The following LUC7L3 variants were observed in gnomAD, a reference collection of about 807,000 sequenced individuals.
LUC7L3 encodes luc7-like protein 3.
Under a neutral mutation model 66.8 loss-of-function variants are expected in LUC7L3, and 6 were observed. The ratio of observed to expected loss-of-function variants is 0.09; its 90% CI spans 0.05 to 0.18. The LOEUF (loss-of-function observed/expected upper bound fraction) is 0.18. LUC7L3 is among the 10% of genes least tolerant of loss of function. LUC7L3 has a pLI of 1.00. For synonymous variants in LUC7L3, 160 were observed against 174.7 expected, an observed-to-expected ratio of 0.92 and a Z score of 0.66; for missense variants, 341 against 531.1, an observed-to-expected ratio of 0.64 and a Z score of 3.52.
intron 1 of LUC7L3, among the ~76,000 whole-genome samples, chr17:50,727,976 G>T (rs950666448): frequency 2.0e-5 from 3 of 151,858 alleles, no homozygotes; most frequent in Non-Finnish European, 4.4e-5. Context: ...AGCTGGGCGT[G>T]GTGTGGTGGC....
At chr17:50,734,478 T>C (rs999062708) in intron 1 of LUC7L3, among the ~76,000 whole-genome samples, 6 of 152,130 alleles carry the variant, frequency 3.9e-5, no homozygotes, top group Non-Finnish European at 8.8e-5. Context: ...TTAAAACTTT[T>C]ATTATGTTCT....
At chr17:50,724,776 C>T (rs1426749219) in intron 1 of LUC7L3, among the ~76,000 whole-genome samples, 2 of 131,412 alleles carry the variant, frequency 1.5e-5, no homozygotes, top group Non-Finnish European at 3.1e-5. Flanking sequence ...TTTTTTTTAC[C>T]CCCGAGATGG....
chr17:50,747,561 T>C (rs12452333), intron 9 of LUC7L3, among the ~76,000 whole-genome samples: 45,385 of 151,972 alleles, frequency 0.3, 6,835 homozygotes, highest in Middle Eastern at 0.34. Flanking sequence ...CCTGTCTCCA[T>C]GTTTAATCAC....
At chr17:50,743,481 C>T (rs992013511) in intron 5 of LUC7L3, among the ~76,000 whole-genome samples, 24 of 152,126 alleles carry the variant, frequency 1.6e-4, no homozygotes, top group African/African-American at 5.1e-4. Context: ...GCTTGGATTA[C>T]AGGCATGAGC....
At chr17:50,748,039 A>G (rs1970784663) in intron 9 of LUC7L3, among the ~76,000 whole-genome samples, 1 of 152,230 alleles carries the variant, frequency 6.6e-6, no homozygotes, top group Non-Finnish European at 1.5e-5. Context: ...CAAATTAATA[A>G]TATTTGTTTT....
chr17:50,721,093 CT>C (rs530504317), intron 1 of LUC7L3, among the ~76,000 whole-genome samples: 589 of 145,394 alleles, frequency 4.1e-3, no homozygotes, highest in Middle Eastern at 0.011. Flanking sequence ...AGCGAAGTAA[CT>C]TTTTTTTTTT....
At chr17:50,730,122 C>T (rs1041270325) in intron 1 of LUC7L3, among the ~76,000 whole-genome samples, 4 of 151,158 alleles carry the variant, frequency 2.6e-5, no homozygotes, top group Admixed American at 6.6e-5. Flanking sequence ...ACTATAGGCC[C>T]GCACCACCCC....
In LUC7L3 at chr17:50,719,639, C is replaced by T. The variant is rs529794597; in HGVS notation, c.-94C>T. On this transcript the variant is annotated 5_prime_UTR_variant, in exon 1 of 10. Transcript: ENST00000505658. Reference sequence around the variant, plus strand: ...TCCTGTGTGTAGGAGGGATTTCGGCCTGAGAGCGGGCCGAGGAGATTGGCG... The same window carrying T: ...TCCTGTGTGTAGGAGGGATTTCGGCTTGAGAGCGGGCCGAGGAGATTGGCG... 168 of 1,079,604 alleles carry T rather than the reference C, an allele frequency of 1.6e-4. No individual in the cohort carries two copies. The East Asian group carries it at 4.2e-3, about 27-fold the overall frequency. The allele number at this position is 1,079,604 out of a possible 1,614,324, so 66.9% of individuals were successfully genotyped here. A position where few individuals can be genotyped will look rare whatever the true frequency, so the allele number is the denominator to read the frequency against.
In LUC7L3 at chr17:50,721,719, A is replaced by G. The variant is rs939115289; in HGVS notation, c.99+1888A>G. ...GATATCGTTTCCGGGTCATCTGCAT[A>G]TTCTTGTACTGTTGGCTGTTAGTGC... On this transcript the variant is annotated intron_variant, in intron 1 of 9. Transcript: ENST00000505658. Among the ~76,000 whole-genome samples, 93 of 152,188 alleles carry G rather than the reference A, an allele frequency of 6.1e-4. 1 individual carries two copies. The highest frequency in any genetic ancestry group is 6.0e-3 in the Admixed American group (92 of 15,268).
Position 50,750,570 on chromosome 17 carries a change from C to T in LUC7L3, c.1208C>T (p.Thr403Ile). ...AGTCGAGAAAAGCAGAGTGAAGACACAAACACTGAATCGAAGGAAAGTGAT... is the reference window on the plus strand; with the variant it reads ...AGTCGAGAAAAGCAGAGTGAAGACATAAACACTGAATCGAAGGAAAGTGAT... ...SGSREKQSED[T>I]NTESKESDTK... The change falls in exon 10 of 10, where the codon ACA becomes ATA. Residue 403 changes from threonine (T) to isoleucine (I), a missense_variant. By Grantham distance (89) the Thr-to-Ile change is moderately conservative (BLOSUM62 -1). Transcript: ENST00000505658. 1 of 1,613,980 alleles carries T rather than the reference C, an allele frequency of 6.2e-7. No homozygotes were observed.
At chr17:50,749,128 AAG>A (rs769706123) in intron 9 of LUC7L3, 582 of 1,010,090 alleles carry the variant, frequency 5.8e-4, no homozygotes, top group Non-Finnish European at 6.0e-4. Flanking sequence ...TCTCTTTGTC[AAG>A]AGAGTTTCCT....
chr17:50,738,029 G>A, intron 2 of LUC7L3: 1 of 389,478 alleles, frequency 2.6e-6, no homozygotes, highest in South Asian at 2.0e-5. Flanking sequence ...AGGGGCAGTA[G>A]TAAGTTAAAA....
chr17:50,754,254 A>C lies in LUC7L3; in HGVS notation c.*3593A>C, dbSNP rs1417231760. 3.3e-5 allele frequency: 5 copies of C among 151,856 alleles called. No individual in the cohort carries two copies. The East Asian group carries it at 9.6e-4, about 29-fold the overall frequency. 9.4% of individuals were successfully genotyped at this position (151,856 alleles called of 1,614,324 possible). ...TTGGTCTTAAAAAAAAAAAAACTTT[A>C]TTTTGGAAATTTAAAGACATACACA... On this transcript the variant is annotated 3_prime_UTR_variant, in exon 10 of 10. Coordinates refer to ENST00000505658, the MANE Select transcript of LUC7L3 (RefSeq NM_016424.5).
In LUC7L3 at chr17:50,751,368, C is replaced by G. The variant is rs1365102076; in HGVS notation, c.*707C>G. 7.7e-7 allele frequency: 1 copy of G among 1,293,296 alleles called. No individual in the cohort carries two copies. Among genetic ancestry groups the G allele is most frequent in the African/African-American group, 1.5e-5 (1 of 66,016 alleles). 80.1% of individuals were successfully genotyped at this position (1,293,296 alleles called of 1,614,324 possible). A position where few individuals can be genotyped will look rare whatever the true frequency, so the allele number is the denominator to read the frequency against. ...GATTCAGTCAAACTAAGCAGGTACT[C>G]ATGCCAGGTACTCCTTTCTCTACCC... On this transcript the variant is annotated 3_prime_UTR_variant, in exon 10 of 10. Transcript: ENST00000505658.
Position 50,751,805 on chromosome 17 carries a change from ATGCACT to A in LUC7L3, c.*1145_*1150del. The stretch of plus-strand genomic sequence containing the variant: ...TTCAATTTGTGAAATCAAAGAACTG[ATGCACT>A]ATATAGAACGAATTTGGGTTTTTAA... On this transcript the variant is annotated 3_prime_UTR_variant, in exon 10 of 10. Coordinates refer to ENST00000505658, the MANE Select transcript of LUC7L3 (RefSeq NM_016424.5). 9.8e-7 allele frequency: 1 copy of A among 1,017,964 alleles called. No homozygotes were observed. Among genetic ancestry groups the A allele is most frequent in the Non-Finnish European group, 1.2e-6 (1 of 849,052 alleles). The allele number at this position is 1,017,964 out of a possible 1,614,324, so 63.1% of individuals were successfully genotyped here. A position where few individuals can be genotyped will look rare whatever the true frequency, so the allele number is the denominator to read the frequency against.
In LUC7L3 at chr17:50,751,005, T is replaced by TA; in HGVS notation, c.*346dup. ...TTTGATGTCATTTCTTTTTTTTTTT[T>TA]AATAAAAAGGTTGAACTGTTTTTTT... On this transcript the variant is annotated 3_prime_UTR_variant, in exon 10 of 10. Transcript: ENST00000505658. 2 of 1,443,912 alleles carry TA rather than the reference T, an allele frequency of 1.4e-6. No individual in the cohort carries two copies. Among genetic ancestry groups the TA allele is most frequent in the Non-Finnish European group, 1.8e-6 (2 of 1,105,124 alleles). The allele number at this position is 1,443,912 out of a possible 1,614,324, so 89.4% of individuals were successfully genotyped here.
chr17:50,730,512 CCAAAA>C (rs1969519627), intron 1 of LUC7L3, among the ~76,000 whole-genome samples: 1 of 16,710 alleles, frequency 6.0e-5, no homozygotes, highest in East Asian at 1.3e-3. Flanking sequence ...GACTCTGTCT[CCAAAA>C]AAAAAAAAAA....
chr17:50,724,611 T>TTGTGTGTGTGTGTGTGTG (rs58361696), intron 1 of LUC7L3, among the ~76,000 whole-genome samples: 64 of 147,268 alleles, frequency 4.3e-4, no homozygotes, highest in East Asian at 4.2e-3. Flanking sequence ...TTTAGGAAAA[T>TTGTGTGTGTGTGTGTGTG]TGTGTGTGTG....
intron 1 of LUC7L3, among the ~76,000 whole-genome samples, chr17:50,730,769 C>A (rs551352269): frequency 9.1e-4 from 138 of 151,640 alleles, no homozygotes; most frequent in African/African-American, 3.1e-3. Context: ...GGCTTAACCC[C>A]CATCTACTAA....
Sources: gnomAD v4.1 joint callset for allele counts (sites outside exome capture counted in the v4.1 genomes callset) on GRCh38, gnomAD v4.1.1 for gene constraint, MANE v1.5 for transcripts, NCBI Gene and HGNC (gene_info 2026-07-23, HGNC 2026-07-21) for gene names.